The following LRRC75A variants were observed in gnomAD, a reference collection of about 807,000 sequenced individuals.
LRRC75A encodes leucine rich repeat containing 75A.
In LRRC75A, 12 loss-of-function variants were observed where a neutral mutation model predicts 26.0. The observed-to-expected ratio is 0.46, with a 90% CI of 0.30 to 0.75. LRRC75A has a LOEUF of 0.75. Among genes scored for constraint, LRRC75A ranks in the 30% least tolerant of loss-of-function variants. The pLI, the probability that LRRC75A is intolerant of heterozygous loss-of-function variation, is 0.08. For missense variants in LRRC75A, 410 were observed against 486.6 expected, an observed-to-expected ratio of 0.84 and a Z score of 1.48; for synonymous variants, 223 against 219.3, an observed-to-expected ratio of 1.02 and a Z score of -0.15.
chr17:16,488,510 A>G (rs915925766), intron 1 of LRRC75A, among the ~76,000 whole-genome samples: 6 of 152,086 alleles, frequency 3.9e-5, no homozygotes, highest in African/African-American at 1.4e-4. Flanking sequence ...CAGCACCAAC[A>G]CCATTTCATT....
intron 1 of LRRC75A, among the ~76,000 whole-genome samples, chr17:16,468,842 C>T (rs187004313): frequency 1.2e-4 from 19 of 152,226 alleles, no homozygotes; most frequent in African/African-American, 3.1e-4. Context: ...TGGGCTATGA[C>T]GGTGCCACTG....
At chr17:16,475,010 A>G (rs1352074840) in intron 1 of LRRC75A, among the ~76,000 whole-genome samples, 4 of 151,940 alleles carry the variant, frequency 2.6e-5, no homozygotes, top group Admixed American at 6.6e-5. Context: ...AAAAAAAAAA[A>G]AGAGAGAAAC....
At chr17:16,466,858 C>T (rs929536030) in intron 1 of LRRC75A, among the ~76,000 whole-genome samples, 4 of 152,212 alleles carry the variant, frequency 2.6e-5, no homozygotes, top group African/African-American at 9.7e-5. Context: ...AATGGCATTT[C>T]TCAAAGTGTG....
In LRRC75A at chr17:16,492,134, G is replaced by C; in HGVS notation, c.-144C>G. Reference sequence around the variant, plus strand: ...TTGCGCGCGGGCGTCGCGGGGGCGGGCGGGCGGGCGGCTGTCGGCGCTCCC... The same window carrying C: ...TTGCGCGCGGGCGTCGCGGGGGCGGCCGGGCGGGCGGCTGTCGGCGCTCCC... On this transcript the variant is annotated 5_prime_UTR_variant, in exon 1 of 4. Coordinates refer to ENST00000470794, the MANE Select transcript of LRRC75A (RefSeq NM_001113567.3). The C allele has an allele frequency of 3.1e-6, 2 of 635,774 alleles. No individual in the cohort carries two copies. The highest frequency in any genetic ancestry group is 2.0e-6 in the Non-Finnish European group (1 of 508,944). 39.4% of individuals were successfully genotyped at this position (635,774 alleles called of 1,614,324 possible).
chr17:16,486,716 T>C (rs1343447481), intron 1 of LRRC75A, among the ~76,000 whole-genome samples: 1 of 152,002 alleles, frequency 6.6e-6, no homozygotes, highest in East Asian at 1.9e-4. Context: ...ATGCCACTCC[T>C]CTCTCCAAGA....
intron 2 of LRRC75A, among the ~76,000 whole-genome samples, chr17:16,451,931 G>A (rs1055784704): frequency 1.1e-5 from 1 of 91,124 alleles, no homozygotes; most frequent in African/African-American, 3.8e-5. Context: ...ATTTTTAGTA[G>A]AGACGGGGGG....
chr17:16,446,573 C>T (rs1469938928), intron 3 of LRRC75A, among the ~76,000 whole-genome samples: 1 of 151,908 alleles, frequency 6.6e-6, no homozygotes, highest in East Asian at 1.9e-4. Flanking sequence ...GACGAGGGGG[C>T]GAGGAGAGCA....
At chr17:16,473,062 C>G (rs2093811470) in intron 1 of LRRC75A, among the ~76,000 whole-genome samples, 2 of 152,184 alleles carry the variant, frequency 1.3e-5, no homozygotes, top group South Asian at 4.2e-4. Context: ...TCAGGAAACA[C>G]TAGGTTTAAA....
chr17:16,443,450 T>G lies in LRRC75A; in HGVS notation c.*138A>C. 1.4e-6 allele frequency: 1 copy of G among 696,290 alleles called. No individual in the cohort carries two copies. Among genetic ancestry groups the G allele is most frequent in the Non-Finnish European group, 2.3e-6 (1 of 433,066 alleles). 43.1% of individuals were successfully genotyped at this position (696,290 alleles called of 1,614,324 possible). A position where few individuals can be genotyped will look rare whatever the true frequency, so the allele number is the denominator to read the frequency against. On this transcript the variant is annotated 3_prime_UTR_variant, in exon 4 of 4. Transcript: ENST00000470794. ...AATCCCCTTCCCCAGATGATATGGTTTGCCTTTCTGTAGGTGGGTGGCCCA... is the reference window on the plus strand; with the variant it reads ...AATCCCCTTCCCCAGATGATATGGTGTGCCTTTCTGTAGGTGGGTGGCCCA...
chr17:16,450,052 G>C (rs1451727437), intron 2 of LRRC75A, among the ~76,000 whole-genome samples: 2 of 152,182 alleles, frequency 1.3e-5, no homozygotes, highest in South Asian at 2.1e-4. Context: ...TTACTGACAT[G>C]AGGGCAGGTG....
chr17:16,449,757 C>T (rs982146454), intron 2 of LRRC75A, among the ~76,000 whole-genome samples: 6 of 152,194 alleles, frequency 3.9e-5, no homozygotes, highest in Admixed American at 1.3e-4. Context: ...GTTGGGATTA[C>T]AGGCACCCGC....
intron 1 of LRRC75A, among the ~76,000 whole-genome samples, chr17:16,487,377 C>T (rs904270046): frequency 2.6e-5 from 4 of 152,192 alleles, no homozygotes; most frequent in Non-Finnish European, 5.9e-5. Context: ...TAGGTAGTAA[C>T]GACCTGTCCA....
intron 1 of LRRC75A, among the ~76,000 whole-genome samples, chr17:16,483,431 G>A (rs796846429): frequency 1.4e-4 from 22 of 152,324 alleles, no homozygotes; most frequent in African/African-American, 5.3e-4. Context: ...TCTCTGTCCT[G>A]GGACCGCTGC....
At chr17:16,453,516 A>G (rs966371442) in intron 2 of LRRC75A, among the ~76,000 whole-genome samples, 2 of 152,122 alleles carry the variant, frequency 1.3e-5, no homozygotes, top group Admixed American at 6.5e-5. Context: ...AACAATAGAT[A>G]TGGACACCTC....
chr17:16,454,212 G>A lies in LRRC75A; in HGVS notation c.376-6252C>T, dbSNP rs137942456. Among the ~76,000 whole-genome samples, 1,504 of 152,112 alleles carry A rather than the reference G, an allele frequency of 9.9e-3. 25 individuals carry two copies. Among genetic ancestry groups the A allele is most frequent in the African/African-American group, 0.034 (1,417 of 41,468 alleles). ...TCGAGACTAGCCTGGCCAACACGGC[G>A]AAACTCCATCTCTACTAAAAATACA... On this transcript the variant is annotated intron_variant, in intron 2 of 3. Transcript: ENST00000470794.
chr17:16,461,837 C>T (rs1400199425), intron 2 of LRRC75A, among the ~76,000 whole-genome samples: 1 of 152,128 alleles, frequency 6.6e-6, no homozygotes, highest in South Asian at 2.1e-4. Flanking sequence ...TGAACTTTCC[C>T]CTGCCTCCCC....
At chr17:16,477,841 G>A (rs974661916) in intron 1 of LRRC75A, among the ~76,000 whole-genome samples, 2 of 151,932 alleles carry the variant, frequency 1.3e-5, no homozygotes, top group Admixed American at 6.6e-5. Flanking sequence ...TGGGGGTGGC[G>A]TCCTCAGGGC....
chr17:16,476,830 C>A (rs1454384633), intron 1 of LRRC75A, among the ~76,000 whole-genome samples: 1 of 150,590 alleles, frequency 6.6e-6, no homozygotes, highest in Non-Finnish European at 1.5e-5. Context: ...GCTCCGCCTC[C>A]CGGGTTCACG....
intron 1 of LRRC75A, among the ~76,000 whole-genome samples, chr17:16,465,843 G>A (rs896017126): frequency 2.0e-5 from 3 of 152,200 alleles, no homozygotes; most frequent in Non-Finnish European, 4.4e-5. Context: ...TTGCTTAGGA[G>A]GGGAAAAGGA....
Sources: allele counts gnomAD v4.1 joint callset (sites outside exome capture counted in the v4.1 genomes callset), GRCh38; gene constraint gnomAD v4.1.1; transcripts MANE v1.5; gene names NCBI Gene and HGNC (gene_info 2026-07-23, HGNC 2026-07-21).